Variants in KLHL32 observed in about 807,000 individuals in gnomAD.
KLHL32 encodes kelch like family member 32.
A neutral mutation model predicts 64.8 loss-of-function variants in KLHL32; 35 were observed. The ratio of observed to expected loss-of-function variants is 0.54; its 90% CI spans 0.41 to 0.72. The LOEUF (loss-of-function observed/expected upper bound fraction) is 0.72. Among genes scored for constraint, KLHL32 ranks in the 30% least tolerant of loss-of-function variants. KLHL32 has a pLI of 0.00. For missense variants in KLHL32, 589 were observed against 768.5 expected, an observed-to-expected ratio of 0.77 and a Z score of 2.76; for synonymous variants, 259 against 281.0, an observed-to-expected ratio of 0.92 and a Z score of 0.78.
rs750209752 is a variant in KLHL32 at position 97,041,508 on chromosome 6, G to T, written c.221G>T (p.Cys74Phe). The T allele has an allele frequency of 1.4e-5, 22 of 1,613,160 alleles. No individual in the cohort carries two copies. The highest frequency in any genetic ancestry group is 1.9e-5 in the Non-Finnish European group (22 of 1,179,220). ...TCACCTCAGGCAATGTTCAGTCTTT[G>T]TATGGTGGAAAGTGGAGCTGATGAG... ...SDYFRAMFSL[C>F]MVESGADEVN... The change falls in exon 4 of 11, where the codon TGT (cysteine) becomes TTT (phenylalanine). Residue 74 changes from cysteine (C) to phenylalanine (F), a missense_variant. By Grantham distance (205) the Cys-to-Phe change is radical. Coordinates refer to ENST00000369261, the MANE Select transcript of KLHL32 (RefSeq NM_052904.4).
intron 6 of KLHL32, among the ~76,000 whole-genome samples, chr6:97,086,607 A>G (rs1382477299): frequency 1.3e-5 from 2 of 152,310 alleles, no homozygotes; most frequent in Non-Finnish European, 1.5e-5. Context: ...ACCTGCCCCC[A>G]TGTCTTCAAT....
chr6:96,976,184 C>A lies in KLHL32; in HGVS notation c.204+7C>A. On this transcript the variant is annotated splice_region_variant and intron_variant, in intron 3 of 10. Transcript: ENST00000369261. ...ATGCAGTGACTATTTCCGGGTAAGT[C>A]AGCATTGTTTGTTTCTCGTAAAATA... 2.0e-6 allele frequency: 3 copies of A among 1,535,908 alleles called. No homozygotes were observed. Among genetic ancestry groups the A allele is most frequent in the South Asian group, 2.4e-5 (2 of 81,726 alleles).
intron 4 of KLHL32, among the ~76,000 whole-genome samples, chr6:97,043,530 G>T (rs1737649): frequency 0.17 from 26,038 of 152,072 alleles, 2,589 homozygotes; most frequent in African/African-American, 0.29. Flanking sequence ...AACATGGGTA[G>T]GCAGATGTCT....
At chr6:97,052,562 C>T (rs929483470) in intron 4 of KLHL32, among the ~76,000 whole-genome samples, 2 of 152,190 alleles carry the variant, frequency 1.3e-5, no homozygotes, top group African/African-American at 2.4e-5. Context: ...GGCATTCCGG[C>T]GTGCAGGCTG....
At chr6:97,055,737 G>A (rs537117738) in intron 4 of KLHL32, among the ~76,000 whole-genome samples, 1 of 146,596 alleles carries the variant, frequency 6.8e-6, no homozygotes, top group South Asian at 2.2e-4. Flanking sequence ...GGTGGAGGTT[G>A]CAGTGGGCCG....
In KLHL32 at chr6:97,083,995, C is replaced by G. The variant is rs185252447; in HGVS notation, c.412-1131C>G. Among the ~76,000 whole-genome samples, 3 of 152,268 alleles carry G rather than the reference C, an allele frequency of 2.0e-5. No individual in the cohort carries two copies. The East Asian group carries it at 5.8e-4, about 29-fold the overall frequency. On this transcript the variant is annotated intron_variant, in intron 5 of 10. Coordinates refer to ENST00000369261, the MANE Select transcript of KLHL32 (RefSeq NM_052904.4). ...AAAGGAGGAGTGTGTGCTATGTTGT[C>G]ATTGCCTTGGGGTGAGTTTTCTTTT...
At chr6:96,911,821 C>CTTTTTT in the KLHL32 span, among the ~76,000 whole-genome samples, 15 of 53,520 alleles carry the variant, frequency 2.8e-4, no homozygotes, top group African/African-American at 7.3e-4. Flanking sequence ...CTGCTCGGTC[C>CTTTTTT]TTCTTTTTTT....
At chr6:96,915,097 G>A in the KLHL32 span, 4 of 152,120 alleles carry the variant, frequency 2.6e-5, no homozygotes, top group Admixed American at 2.0e-4. Context: ...ACTTAAGTAC[G>A]AAGACTTTGG....
chr6:96,917,801 C>T, the KLHL32 span, among the ~76,000 whole-genome samples: 2 of 152,150 alleles, frequency 1.3e-5, no homozygotes, highest in South Asian at 2.1e-4. Flanking sequence ...AGTGTAAGGA[C>T]ATCAAAGGAC....
At chr6:96,976,845 C>T (rs938241717) in intron 3 of KLHL32, among the ~76,000 whole-genome samples, 19 of 152,070 alleles carry the variant, frequency 1.2e-4, no homozygotes, top group Non-Finnish European at 2.2e-4. Flanking sequence ...GTAATCTGCC[C>T]GCCTCGGCCT....
At chr6:97,107,453 T>C (rs543061014) in intron 6 of KLHL32, among the ~76,000 whole-genome samples, 49 of 152,372 alleles carry the variant, frequency 3.2e-4, no homozygotes, top group African/African-American at 1.2e-3. Flanking sequence ...ATTCATTGTA[T>C]GACTTGGGTT....
intron 3 of KLHL32, among the ~76,000 whole-genome samples, chr6:97,001,269 A>G (rs1582656875): frequency 6.6e-6 from 1 of 152,042 alleles, no homozygotes; most frequent in Non-Finnish European, 1.5e-5. Context: ...GTGGAGGGGG[A>G]AGGAGCTATG....
chr6:97,077,593 A>T (rs2128170387), intron 5 of KLHL32, among the ~76,000 whole-genome samples: 1 of 152,308 alleles, frequency 6.6e-6, no homozygotes, highest in East Asian at 1.9e-4. Context: ...TTTATTTCCC[A>T]ATTGTATGAA....
At chr6:97,121,493 T>C (rs1798364450) in intron 7 of KLHL32, among the ~76,000 whole-genome samples, 1 of 152,106 alleles carries the variant, frequency 6.6e-6, no homozygotes, top group African/African-American at 2.4e-5. Flanking sequence ...TACGGTTCAG[T>C]TTCTAAAATT....
intron 3 of KLHL32, among the ~76,000 whole-genome samples, chr6:96,994,280 C>T (rs4839889): frequency 0.25 from 37,302 of 152,100 alleles, 5,908 homozygotes; most frequent in East Asian, 0.53. Flanking sequence ...TCACAATACT[C>T]ATAATGTTGC....
chr6:97,118,012 A>G (rs1396468985), intron 7 of KLHL32, among the ~76,000 whole-genome samples: 1 of 152,232 alleles, frequency 6.6e-6, no homozygotes, highest in Non-Finnish European at 1.5e-5. Context: ...GCTGAGTCAC[A>G]GATACATGAA....
chr6:96,924,062 C>G (rs898420750), upstream of KLHL32, among the ~76,000 whole-genome samples: 2 of 152,174 alleles, frequency 1.3e-5, no homozygotes, highest in African/African-American at 4.8e-5. Flanking sequence ...ATTTCTCAGG[C>G]TTGGGGATTT....
intron 1 of KLHL32, among the ~76,000 whole-genome samples, chr6:96,958,082 A>T (rs1457838755): frequency 6.6e-6 from 1 of 152,008 alleles, no homozygotes; most frequent in African/African-American, 2.4e-5. Context: ...ATAATTTATC[A>T]TCCAAACTGG....
chr6:97,110,295 C>T (rs897879948), intron 6 of KLHL32, among the ~76,000 whole-genome samples: 3 of 152,146 alleles, frequency 2.0e-5, no homozygotes, highest in African/African-American at 7.2e-5. Context: ...GAGTGTATCG[C>T]TTGTTTGACC....
Sources: gnomAD v4.1 joint callset for allele counts (sites outside exome capture counted in the v4.1 genomes callset) on GRCh38, gnomAD v4.1.1 for gene constraint, MANE v1.5 for transcripts, NCBI Gene and HGNC (gene_info 2026-07-23, HGNC 2026-07-21) for gene names.